The following SAMD12 variants were observed in gnomAD, a reference collection of about 807,000 sequenced individuals.
SAMD12 encodes the protein sterile alpha motif domain containing 12, also known as sterile alpha motif domain-containing protein 12.
Under a neutral mutation model 15.0 loss-of-function variants are expected in SAMD12, and 9 were observed. That is an observed-to-expected ratio of 0.60 (90% CI 0.36 to 1.05). SAMD12 has a LOEUF of 1.05. Ranked by LOEUF, SAMD12 falls within the 50% of genes least tolerant of loss-of-function variation. The pLI is 0.01. For synonymous variants in SAMD12, 86 were observed against 90.1 expected (o/e 0.96, Z 0.25); for missense variants, 230 against 234.2 (o/e 0.98, Z 0.12).
rs578046161 is a variant in SAMD12, at chr8:118,402,340, A to T, written c.323-22640T>A. On this transcript the variant is annotated intron_variant, in intron 3 of 3. Transcript: ENST00000314727. The stretch of plus-strand genomic sequence containing the variant: ...AACTAAAAAAGAACATTTAAGGAGC[A>T]GAGCCCTTAATAAAAGGCAAGATCG... 2.8e-4 allele frequency among the ~76,000 whole-genome samples: 43 copies of T among 152,366 alleles called. 1 individual carries two copies. In the South Asian group the frequency reaches 8.7e-3, roughly 31 times the overall value.
Position 118,379,534 on chromosome 8 carries a change from C to T in SAMD12, c.489G>A (p.Trp163Ter), listed in dbSNP as rs781362790. The T allele has an allele frequency of 6.2e-7, 1 of 1,613,868 alleles. No homozygotes were observed. Among genetic ancestry groups the T allele is most frequent in the Non-Finnish European group, 8.5e-7 (1 of 1,179,808 alleles). ...TQGTLLLPDG[W>*]MDGEIRRKTT... is the part of the protein sequence containing the mutation. ...TCTTTCTTCTAATCTCCCCATCCAT[C>T]CACCCATCAGGAAGCAATAGGGTAC... Residue 163 changes from tryptophan to a stop codon, truncating the protein, a stop_gained, in exon 4 of 4, where the codon TGG becomes TGA. Coordinates refer to ENST00000314727, the MANE Select transcript of SAMD12 (RefSeq NM_207506.3). LOFTEE classifies it low-confidence loss of function (END_TRUNC).
At chr8:118,177,896 T>C in the SAMD12 span, among the ~76,000 whole-genome samples, 1 of 152,182 alleles carries the variant, frequency 6.6e-6, no homozygotes, top group African/African-American at 2.4e-5. Context: ...CCCAGGTGGC[T>C]GACACACATG....
intron 2 of SAMD12, among the ~76,000 whole-genome samples, chr8:118,522,179 TACAC>T (rs57368278): frequency 2.3e-4 from 6 of 25,950 alleles, no homozygotes; most frequent in African/African-American, 5.5e-4. Flanking sequence ...CACACACACA[TACAC>T]ACACACACAC....
At chr8:118,473,733 C>A (rs1184062638) in intron 2 of SAMD12, among the ~76,000 whole-genome samples, 2 of 152,146 alleles carry the variant, frequency 1.3e-5, no homozygotes, top group Non-Finnish European at 2.9e-5. Context: ...TTTCCTCGGC[C>A]TGGGAAGCAT....
intron 4 of SAMD12, among the ~76,000 whole-genome samples, chr8:118,283,867 G>A (rs574638559): frequency 6.6e-6 from 1 of 152,164 alleles, no homozygotes; most frequent in African/African-American, 2.4e-5. Context: ...TTATTTAGGA[G>A]TTTCATTCAG....
chr8:118,297,671 G>T (rs780381156), intron 4 of SAMD12, among the ~76,000 whole-genome samples: 2 of 152,128 alleles, frequency 1.3e-5, no homozygotes, highest in Admixed American at 6.5e-5. Context: ...ACTCCTGAGG[G>T]AAGAGATTTG....
intron 2 of SAMD12, among the ~76,000 whole-genome samples, chr8:118,480,082 G>T (rs1824083307): frequency 6.6e-6 from 1 of 152,132 alleles, no homozygotes; most frequent in African/African-American, 2.4e-5. Context: ...TCAGCATTAG[G>T]TAATTTAATG....
At chr8:118,609,947 A>G (rs879879281) in intron 1 of SAMD12, among the ~76,000 whole-genome samples, 3 of 152,186 alleles carry the variant, frequency 2.0e-5, no homozygotes, top group Non-Finnish European at 4.4e-5. Flanking sequence ...CACATATATG[A>G]CAGGAATCTT....
intron 4 of SAMD12, among the ~76,000 whole-genome samples, chr8:118,220,292 A>T (rs559426176): frequency 8.5e-5 from 13 of 152,298 alleles, no homozygotes; most frequent in African/African-American, 2.9e-4. Context: ...GTTATTTTTT[A>T]AATTTTATTT....
chr8:118,375,524 T>C (rs1199827474), downstream of SAMD12, among the ~76,000 whole-genome samples: 1 of 152,160 alleles, frequency 6.6e-6, no homozygotes, highest in African/African-American at 2.4e-5. Flanking sequence ...GTGGCTTCTA[T>C]TACTGATAGC....
At chr8:118,311,185 C>T (rs900956969) in intron 4 of SAMD12, among the ~76,000 whole-genome samples, 9 of 152,272 alleles carry the variant, frequency 5.9e-5, no homozygotes, top group East Asian at 5.8e-4. Context: ...CTGCAGCCTT[C>T]GAAATCCTTG....
chr8:118,225,035 C>T (rs1812157828), intron 4 of SAMD12, among the ~76,000 whole-genome samples: 1 of 152,170 alleles, frequency 6.6e-6, no homozygotes, highest in Admixed American at 6.5e-5. Flanking sequence ...ATGAAAAGGG[C>T]AGAGAGTTGG....
At chr8:118,306,887 G>A (rs956073893) in intron 4 of SAMD12, among the ~76,000 whole-genome samples, 8 of 152,010 alleles carry the variant, frequency 5.3e-5, no homozygotes, top group African/African-American at 1.7e-4. Context: ...TAGAATTGAC[G>A]TATCCTCATC....
At chr8:118,193,968 A>G (rs1819482601) in exon 5 of SAMD12, 1 of 152,238 alleles carries the variant, frequency 6.6e-6, no homozygotes, top group East Asian at 1.9e-4. Flanking sequence ...CACAAAGAAC[A>G]AAACTGCTCA....
chr8:118,473,319 T>C (rs1823858656), intron 2 of SAMD12, among the ~76,000 whole-genome samples: 1 of 152,182 alleles, frequency 6.6e-6, no homozygotes, highest in Non-Finnish European at 1.5e-5. Flanking sequence ...TCTTAACATT[T>C]ATTTTCAAAA....
At chr8:118,605,765 AATATATATATAT>A (rs55785102) in intron 1 of SAMD12, among the ~76,000 whole-genome samples, 2 of 127,608 alleles carry the variant, frequency 1.6e-5, no homozygotes, top group Non-Finnish European at 3.3e-5. Flanking sequence ...AACCCATCAC[AATATATATATAT>A]ATATATATAT....
At chr8:118,610,186 G>C (rs1201052866) in intron 1 of SAMD12, among the ~76,000 whole-genome samples, 1 of 152,118 alleles carries the variant, frequency 6.6e-6, no homozygotes, top group African/African-American at 2.4e-5. Flanking sequence ...TCCATAAAAA[G>C]AGAATGCAAA....
At chr8:118,211,292 G>A (rs920508345) in intron 4 of SAMD12, among the ~76,000 whole-genome samples, 1 of 152,198 alleles carries the variant, frequency 6.6e-6, no homozygotes, top group South Asian at 2.1e-4. Context: ...GACTGTATTA[G>A]AAGCGATGGA....
At chr8:118,473,041 T>C (rs1208343574) in intron 2 of SAMD12, among the ~76,000 whole-genome samples, 9 of 152,192 alleles carry the variant, frequency 5.9e-5, no homozygotes, top group African/African-American at 1.9e-4. Context: ...CTACTTCCAG[T>C]GGGGTCAACC....
Sources: gnomAD v4.1 joint callset for allele counts (sites outside exome capture counted in the v4.1 genomes callset) on GRCh38, gnomAD v4.1.1 for gene constraint, MANE v1.5 for transcripts, NCBI Gene and HGNC (gene_info 2026-07-23, HGNC 2026-07-21) for gene names.